Variants in TMX3 observed in about 807,000 individuals in gnomAD.
TMX3 encodes the protein protein disulfide-isomerase TMX3.
Under a neutral mutation model 64.4 loss-of-function variants are expected in TMX3, and 40 were observed. The ratio of observed to expected loss-of-function variants is 0.62; its 90% CI spans 0.48 to 0.81. The LOEUF (loss-of-function observed/expected upper bound fraction) is 0.81. TMX3 is among the 30% of genes least tolerant of loss of function. The pLI is 0.00. For missense variants in TMX3, 497 were observed against 534.5 expected (o/e 0.93, Z 0.69); for synonymous variants, 189 against 175.7 (o/e 1.08, Z -0.60).
Position 68,675,535 on chromosome 18 carries a change from C to G in TMX3, c.*1398G>C, listed in dbSNP as rs1440843730. ...CCTTGATGACTAAATCCCTAAACAA[C>G]GTCAGTGTCCAGACCATGAATTACA... On this transcript the variant is annotated 3_prime_UTR_variant, in exon 16 of 16. Transcript: ENST00000299608. 6.6e-6 allele frequency: 1 copy of G among 152,080 alleles called. No homozygotes were observed. The highest frequency in any genetic ancestry group is 2.4e-5 in the African/African-American group (1 of 41,398). The allele number at this position is 152,080 out of a possible 1,614,324, so 9.4% of individuals were successfully genotyped here. A position where few individuals can be genotyped will look rare whatever the true frequency, so the allele number is the denominator to read the frequency against.
chr18:68,702,879 G>A (rs990232902), intron 4 of TMX3, among the ~76,000 whole-genome samples: 1 of 152,184 alleles, frequency 6.6e-6, no homozygotes, highest in Non-Finnish European at 1.5e-5. Context: ...GTCAACTCTA[G>A]TTTCTCCCTT....
rs1001519448 is a variant in TMX3 at position 68,697,696 on chromosome 18, GA to G, written c.492+235del. The G allele has an allele frequency of 3.0e-4, 136 of 447,972 alleles. 1 individual carries two copies. Among genetic ancestry groups the G allele is most frequent in the Non-Finnish European group, 4.1e-4 (105 of 255,342 alleles). The allele number at this position is 447,972 out of a possible 1,614,324, so 27.7% of individuals were successfully genotyped here. A position where few individuals can be genotyped will look rare whatever the true frequency, so the allele number is the denominator to read the frequency against. The stretch of plus-strand genomic sequence containing the variant: ...GACTTAAATAACCAGGTTAATAACA[GA>G]AAAAAATGCTAAGGCAGGCAACATT... On this transcript the variant is annotated intron_variant, in intron 7 of 15. Transcript: ENST00000299608.
intron 8 of TMX3, 76 bp from the exon 9 acceptor site, chr18:68,691,437 G>C (rs1017769613): frequency 9.5e-6 from 9 of 950,594 alleles, no homozygotes; most frequent in East Asian, 2.8e-5. Context: ...CAAAAGTCTT[G>C]AGATACCAGA....
At chr18:68,695,734 C>T (rs948219515) in intron 8 of TMX3, among the ~76,000 whole-genome samples, 6 of 152,152 alleles carry the variant, frequency 3.9e-5, no homozygotes, top group African/African-American at 7.2e-5. Context: ...CTTAGATTAC[C>T]GCAAAAGTTC....
At chr18:68,708,047 A>G (rs527517693) in intron 4 of TMX3, among the ~76,000 whole-genome samples, 7 of 125,642 alleles carry the variant, frequency 5.6e-5, no homozygotes, top group African/African-American at 2.0e-4. Flanking sequence ...ATATATGTGT[A>G]TATATATGTG....
At chr18:68,679,344 C>A in intron 15 of TMX3, 119 bp downstream of exon 15, 1 of 685,786 alleles carries the variant, frequency 1.5e-6, no homozygotes, top group Non-Finnish European at 2.3e-6. Context: ...CTAGTCATAT[C>A]CTGCAAATTA....
chr18:68,702,422 G>A (rs1471372456), intron 4 of TMX3, among the ~76,000 whole-genome samples: 1 of 152,010 alleles, frequency 6.6e-6, no homozygotes, highest in African/African-American at 2.4e-5. Flanking sequence ...GAGAATAGTT[G>A]CTACAATATC....
At chr18:68,690,127 T>G (rs906693253) in intron 9 of TMX3, 1 of 152,224 alleles carries the variant, frequency 6.6e-6, no homozygotes, top group Admixed American at 6.5e-5. Context: ...TCTACTCATT[T>G]GAATTATTTC....
At position 68,676,995 on chromosome 18, in the gene TMX3, C is replaced by T. The variant is rs1216299184; in HGVS notation, c.1303G>A (p.Gly435Arg). The T allele has an allele frequency of 6.2e-7, 1 of 1,613,708 alleles. No homozygotes were observed. Among genetic ancestry groups the T allele is most frequent in the Non-Finnish European group, 8.5e-7 (1 of 1,179,832 alleles). Reference protein sequence around the residue: ...ESKEQQEPSSGGSVVPTVQEP... With the variant: ...ESKEQQEPSSRGSVVPTVQEP... ...TGCACTGTAGGCACTACAGATCCTCCACTGCTGGGCTCCTGCTGTTCTTTG... is the reference window on the plus strand; with the variant it reads ...TGCACTGTAGGCACTACAGATCCTCTACTGCTGGGCTCCTGCTGTTCTTTG... The change falls in exon 16 of 16, where the codon GGA (glycine) becomes AGA (arginine). Residue 435 changes from glycine to arginine, a missense_variant. Gly to Arg is a moderately radical substitution (Grantham distance 125). Around this residue, in one of 3 missense-constraint regions of TMX3, gnomAD observed 94 missense variants for 75.8 expected, o/e 1.24. Coordinates refer to ENST00000299608, the MANE Select transcript of TMX3 (RefSeq NM_019022.5).
intron 1 of TMX3, 25 bp downstream of exon 1, chr18:68,714,911 G>T (rs369181680): frequency 6.4e-7 from 1 of 1,551,340 alleles, no homozygotes; most frequent in Non-Finnish European, 8.7e-7. Flanking sequence ...GCCCGCCAGC[G>T]TCCCGACCGC....
intron 12 of TMX3, 73 bp from the exon 13 acceptor site, chr18:68,683,054 T>A (rs1913601091): frequency 1.5e-6 from 2 of 1,350,444 alleles, no homozygotes; most frequent in Non-Finnish European, 2.1e-6. Flanking sequence ...GAAAGCTCAT[T>A]AAATAGTAAA....
In TMX3 at chr18:68,675,489, T is replaced by C. The variant is rs1912851578; in HGVS notation, c.*1444A>G. ...CCATACAGTCTTGATTAGTACGGCA[T>C]TAGAAACAACAGAGGGCTGTCCTTG... On this transcript the variant is annotated 3_prime_UTR_variant, in exon 16 of 16. Transcript: ENST00000299608. 2 of 152,150 alleles carry C rather than the reference T, an allele frequency of 1.3e-5. No homozygotes were observed. The highest frequency in any genetic ancestry group is 4.8e-5 in the African/African-American group (2 of 41,446). The allele number at this position is 152,150 out of a possible 1,614,324, so 9.4% of individuals were successfully genotyped here. A position where few individuals can be genotyped will look rare whatever the true frequency, so the allele number is the denominator to read the frequency against.
At position 68,715,052 on chromosome 18, in the gene TMX3, C is replaced by G; in HGVS notation, c.-71G>C. On this transcript the variant is annotated 5_prime_UTR_variant, in exon 1 of 16. Coordinates refer to ENST00000299608, the MANE Select transcript of TMX3 (RefSeq NM_019022.5). ...AAAGACACTGGGGTCCGCCGCCTGC[C>G]CGCCCGGAAAGGGAAACGGAGCCGA... The G allele has an allele frequency of 6.5e-7, 1 of 1,547,096 alleles. No individual in the cohort carries two copies. Among genetic ancestry groups the G allele is most frequent in the Non-Finnish European group, 8.7e-7 (1 of 1,145,032 alleles).
chr18:68,677,030 A>C lies in TMX3; in HGVS notation c.1268T>G (p.Ile423Arg). 6.2e-7 allele frequency: 1 copy of C among 1,613,714 alleles called. No homozygotes were observed. Among genetic ancestry groups the C allele is most frequent in the Non-Finnish European group, 8.5e-7 (1 of 1,179,792 alleles). ...CTCCTGCTGTTCTTTGCTCTCTTCT[A>C]TCTGTTCTTGGTTTTCATTTTCACT... Reference protein sequence around the residue: ...SKSENENQEQIEESKEQQEPS... With the variant: ...SKSENENQEQREESKEQQEPS... The change falls in exon 16 of 16, where the codon ATA becomes AGA. Residue 423 changes from isoleucine (I) to arginine (R), a missense_variant. By Grantham distance (97) the Ile-to-Arg change is moderately conservative. Transcript: ENST00000299608.
At chr18:68,713,109 A>C (rs2031452943) in intron 2 of TMX3, among the ~76,000 whole-genome samples, 2 of 152,072 alleles carry the variant, frequency 1.3e-5, no homozygotes, top group African/African-American at 4.8e-5. Flanking sequence ...GGGAGAATTC[A>C]TCTCATTTCC....
At chr18:68,677,814 G>C (rs1285938661) in intron 15 of TMX3, among the ~76,000 whole-genome samples, 1 of 152,080 alleles carries the variant, frequency 6.6e-6, no homozygotes, top group Non-Finnish European at 1.5e-5. Context: ...AGAAGAAAAA[G>C]ATCACTTTGG....
Position 68,677,096 on chromosome 18 carries a change from G to A in TMX3, c.1202C>T (p.Thr401Ile). The stretch of plus-strand genomic sequence containing the variant: ...TCGTTCTTCTATATAACCTCCATCT[G>A]TGTCGGCTGTGTAGATTCCATAGCA... Reference protein sequence around the residue: ...IMCYGIYTADTDGGYIEERYE... With the variant: ...IMCYGIYTADIDGGYIEERYE... Residue 401 changes from threonine to isoleucine, a missense_variant, in exon 16 of 16, where the codon ACA (threonine) becomes ATA (isoleucine). Coordinates refer to ENST00000299608, the MANE Select transcript of TMX3 (RefSeq NM_019022.5). 1 of 1,613,726 alleles carries A rather than the reference G, an allele frequency of 6.2e-7. No homozygotes were observed. Among genetic ancestry groups the A allele is most frequent in the Non-Finnish European group, 8.5e-7 (1 of 1,179,764 alleles).
chr18:68,702,602 T>G (rs1227171577), intron 4 of TMX3, among the ~76,000 whole-genome samples: 2 of 152,152 alleles, frequency 1.3e-5, no homozygotes, highest in African/African-American at 4.8e-5. Flanking sequence ...TTAACACACG[T>G]TATACCATAA....
Position 68,696,988 on chromosome 18 carries a change from G to A in TMX3, c.570+238C>T, listed in dbSNP as rs771818637. On this transcript the variant is annotated intron_variant, in intron 8 of 15. Transcript: ENST00000299608. ...TCACTACTTTTATTTTAAAAAACAA[G>A]AAGCACTAATGTAAATCCCTAAATG... 2.0e-4 allele frequency: 64 copies of A among 319,000 alleles called. 1 individual carries two copies. The highest frequency in any genetic ancestry group is 5.9e-4 in the South Asian group (13 of 21,862). 19.8% of individuals were successfully genotyped at this position (319,000 alleles called of 1,614,324 possible). A position where few individuals can be genotyped will look rare whatever the true frequency, so the allele number is the denominator to read the frequency against.
Sources: allele counts gnomAD v4.1 joint callset (sites outside exome capture counted in the v4.1 genomes callset), GRCh38; gene constraint gnomAD v4.1.1; regional missense constraint gnomAD v4.1.1; transcripts MANE v1.5; gene names NCBI Gene and HGNC (gene_info 2026-07-23, HGNC 2026-07-21).